The following EPHA3 variants were observed in gnomAD, a reference collection of about 807,000 sequenced individuals.
The protein encoded by EPHA3 is EPH receptor A3.
A neutral mutation model predicts 107.1 loss-of-function variants in EPHA3; 42 were observed. That is an observed-to-expected ratio of 0.39 (90% CI 0.31 to 0.51). EPHA3 has a LOEUF of 0.51. Among genes scored for constraint, EPHA3 ranks in the 20% least tolerant of loss-of-function variants. EPHA3 has a pLI of 0.78. For synonymous variants in EPHA3, 461 were observed against 424.8 expected (o/e 1.09, Z -1.05); for missense variants, 1,183 against 1,211.2 (o/e 0.98, Z 0.35).
intron 16 of EPHA3, among the ~76,000 whole-genome samples, chr3:89,476,076 A>G (rs1327044083): frequency 6.7e-6 from 1 of 148,886 alleles, no homozygotes; most frequent in Non-Finnish European, 1.5e-5. Flanking sequence ...AAGTAAAAAA[A>G]TTGTATATAA....
intron 3 of EPHA3, among the ~76,000 whole-genome samples, chr3:89,290,004 T>A (rs1706175184): frequency 6.6e-6 from 1 of 152,122 alleles, no homozygotes; most frequent in Admixed American, 6.6e-5. Context: ...TGTTTTGCCT[T>A]CAGTTTAGGA....
chr3:89,445,418 G>A lies in EPHA3; in HGVS notation c.2347-3807G>A, dbSNP rs114235215. On this transcript the variant is annotated intron_variant, in intron 13 of 16. Coordinates refer to ENST00000336596, the MANE Select transcript of EPHA3 (RefSeq NM_005233.6). ...TTTCATTAAAAATAAAAATAAATAT[G>A]TTTACTTCTAAGTATATAAGCTCAA... Among the ~76,000 whole-genome samples the A allele has an allele frequency of 7.4e-3, 1,127 of 152,160 alleles. 12 individuals carry two copies. Among genetic ancestry groups the A allele is most frequent in the Non-Finnish European group, 0.012 (837 of 68,004 alleles).
At chr3:89,167,807 A>G (rs1325338768) in intron 2 of EPHA3, among the ~76,000 whole-genome samples, 2 of 152,132 alleles carry the variant, frequency 1.3e-5, no homozygotes, top group African/African-American at 2.4e-5. Flanking sequence ...CAGCTAGGTC[A>G]TTACTATACT....
chr3:89,431,195 C>T lies in EPHA3; in HGVS notation c.2182C>T (p.Arg728Ter), dbSNP rs774448099. ...FTVIQLVGML[R>*]GIASGMKYLS... ...TGTCATTCAGCTAGTGGGGATGCTT[C>T]GAGGGATAGCATCTGGCATGAAGTA... The change falls in exon 13 of 17, where the codon CGA becomes TGA. Residue 728 changes from arginine to a stop codon, truncating the protein, a stop_gained. Transcript: ENST00000336596. LOFTEE classifies it high-confidence loss of function. 1 of 1,613,798 alleles carries T rather than the reference C, an allele frequency of 6.2e-7. No homozygotes were observed. Among genetic ancestry groups the T allele is most frequent in the Admixed American group, 1.7e-5 (1 of 59,946 alleles).
At chr3:89,476,713 T>C (rs1196562428) in intron 16 of EPHA3, among the ~76,000 whole-genome samples, 9 of 151,788 alleles carry the variant, frequency 5.9e-5, no homozygotes, top group African/African-American at 2.2e-4. Flanking sequence ...GTTCACGCCA[T>C]TCTCCTGCCT....
At chr3:89,197,796 T>C (rs1428908111) in intron 2 of EPHA3, among the ~76,000 whole-genome samples, 1 of 151,990 alleles carries the variant, frequency 6.6e-6, no homozygotes, top group Non-Finnish European at 1.5e-5. Context: ...GCCAACATGG[T>C]GAAACCCTCT....
At chr3:89,391,404 T>G (rs1482490556) in intron 5 of EPHA3, among the ~76,000 whole-genome samples, 3 of 142,552 alleles carry the variant, frequency 2.1e-5, no homozygotes, top group African/African-American at 8.6e-5. Flanking sequence ...TTTCTTTTCT[T>G]TTCTTTTCTT....
At chr3:89,157,185 C>T (rs1165189059) in intron 2 of EPHA3, among the ~76,000 whole-genome samples, 1 of 152,070 alleles carries the variant, frequency 6.6e-6, no homozygotes. Flanking sequence ...CAGTGTTCCA[C>T]TCTTGGCCAA....
intron 5 of EPHA3, among the ~76,000 whole-genome samples, chr3:89,359,098 A>G (rs1164323668): frequency 6.6e-6 from 1 of 151,316 alleles, no homozygotes; most frequent in East Asian, 1.9e-4. Flanking sequence ...CACATAAAGT[A>G]TATAAAACTA....
chr3:89,221,658 C>G (rs1704379448), intron 3 of EPHA3, among the ~76,000 whole-genome samples: 1 of 152,236 alleles, frequency 6.6e-6, no homozygotes, highest in South Asian at 2.1e-4. Context: ...ACCATTTGAT[C>G]CTCACCAAAG....
intron 3 of EPHA3, among the ~76,000 whole-genome samples, chr3:89,339,318 C>A (rs554309567): frequency 8.5e-4 from 125 of 147,260 alleles, no homozygotes; most frequent in Non-Finnish European, 1.4e-3. Flanking sequence ...TTGCAGTGAG[C>A]CGAGATTGTG....
chr3:89,334,918 T>C (rs1242498341), intron 3 of EPHA3, among the ~76,000 whole-genome samples: 3 of 152,154 alleles, frequency 2.0e-5, no homozygotes, highest in Non-Finnish European at 2.9e-5. Flanking sequence ...ACTTGAAGTA[T>C]TGGGATAAAA....
At chr3:89,250,602 C>T (rs9862195) in intron 3 of EPHA3, among the ~76,000 whole-genome samples, 40,352 of 152,004 alleles carry the variant, frequency 0.27, 5,621 homozygotes, top group African/African-American at 0.32. Context: ...CCCACTGCTA[C>T]CCTGTGCTGA....
chr3:89,391,461 C>T (rs1385166179), intron 5 of EPHA3, among the ~76,000 whole-genome samples: 1 of 138,762 alleles, frequency 7.2e-6, no homozygotes, highest in Non-Finnish European at 1.5e-5. Flanking sequence ...CGCTCTGTCA[C>T]CCAGGCTGGG....
intron 5 of EPHA3, among the ~76,000 whole-genome samples, chr3:89,343,325 T>C (rs1272261942): frequency 1.3e-5 from 2 of 152,216 alleles, no homozygotes; most frequent in African/African-American, 2.4e-5. Flanking sequence ...TGCTGGTTGT[T>C]AACATTTTCA....
intron 3 of EPHA3, among the ~76,000 whole-genome samples, chr3:89,223,508 T>C (rs1005846271): frequency 6.6e-6 from 1 of 152,136 alleles, no homozygotes; most frequent in African/African-American, 2.4e-5. Flanking sequence ...CAGATGAGGG[T>C]CATGATTGCA....
intron 10 of EPHA3, among the ~76,000 whole-genome samples, chr3:89,418,680 T>C (rs1709297064): frequency 1.3e-5 from 2 of 151,450 alleles, no homozygotes; most frequent in Admixed American, 1.3e-4. Context: ...TTATAGCTGG[T>C]ATGTCAGTAA....
chr3:89,124,052 G>A (rs1242387252), intron 1 of EPHA3, among the ~76,000 whole-genome samples: 2 of 152,044 alleles, frequency 1.3e-5, no homozygotes, highest in African/African-American at 4.8e-5. Context: ...TTGCGAACTC[G>A]TATTGTCCAG....
At chr3:89,282,469 G>A (rs943118351) in intron 3 of EPHA3, among the ~76,000 whole-genome samples, 6 of 151,934 alleles carry the variant, frequency 3.9e-5, no homozygotes, top group African/African-American at 7.2e-5. Flanking sequence ...TCATTTGGGA[G>A]TTTCTTTTCC....
Sources: gnomAD v4.1 joint callset for allele counts (sites outside exome capture counted in the v4.1 genomes callset) on GRCh38, gnomAD v4.1.1 for gene constraint, MANE v1.5 for transcripts, NCBI Gene and HGNC (gene_info 2026-07-23, HGNC 2026-07-21) for gene names.